Variants in MYT1L observed in about 807,000 individuals in gnomAD.
The protein encoded by MYT1L is myelin transcription factor 1 like, also known as myelin transcription factor 1-like protein.
Under a neutral mutation model 126.7 loss-of-function variants are expected in MYT1L, and 12 were observed. The ratio of observed to expected loss-of-function variants is 0.09; its 90% CI spans 0.06 to 0.15. MYT1L has a LOEUF of 0.15. Among genes scored for constraint, MYT1L ranks in the 10% least tolerant of loss-of-function variants. The pLI is 1.00. For synonymous variants in MYT1L, 541 were observed against 604.2 expected, an observed-to-expected ratio of 0.90 and a Z score of 1.53; for missense variants, 979 against 1,585.2, an observed-to-expected ratio of 0.62 and a Z score of 6.49.
intron 4 of MYT1L, among the ~76,000 whole-genome samples, chr2:2,015,949 G>C (rs1305620352): frequency 6.6e-6 from 1 of 152,204 alleles, no homozygotes; most frequent in African/African-American, 2.4e-5. Flanking sequence ...CTGCAATCAT[G>C]GTACAGCAGA....
chr2:2,137,046 C>T (rs1417903846), intron 3 of MYT1L, among the ~76,000 whole-genome samples: 1 of 151,926 alleles, frequency 6.6e-6, no homozygotes, highest in Non-Finnish European at 1.5e-5. Flanking sequence ...ACACCAATAA[C>T]AGACAAACAG....
chr2:1,859,242 T>G (rs889139074), intron 18 of MYT1L, among the ~76,000 whole-genome samples: 6 of 152,236 alleles, frequency 3.9e-5, no homozygotes, highest in African/African-American at 1.4e-4. Flanking sequence ...TTGTGGCATT[T>G]AGGTGGAATG....
rs776330906 is a variant in MYT1L, at chr2:1,910,332, C to G, written c.1725G>C (p.Pro575=). 6.2e-7 allele frequency: 1 copy of G among 1,611,818 alleles called. No individual in the cohort carries two copies. Among genetic ancestry groups the G allele is most frequent in the African/African-American group, 1.3e-5 (1 of 74,916 alleles). ...RNSHRSLSGC[P]IAAAEKLAKA... ...TGGCCAGTTTCTCTGCTGCAGCGAT[C>G]GGGCATCCGGAGAGGCTGCAATCAC... Residue 575 remains proline (P), a synonymous_variant, in exon 13 of 25, where the codon CCG becomes CCC. Coordinates refer to ENST00000647738, the MANE Select transcript of MYT1L (RefSeq NM_001303052.2). The surrounding 1 kb of genome is among the most constrained non-coding windows in gnomAD (Gnocchi z 4.8).
At chr2:2,300,596 T>TA (rs1276523569) in intron 1 of MYT1L, among the ~76,000 whole-genome samples, 1 of 152,194 alleles carries the variant, frequency 6.6e-6, no homozygotes, top group Non-Finnish European at 1.5e-5. Flanking sequence ...TTCCCAATGA[T>TA]AATAGTAACA....
chr2:2,318,040 A>G (rs1410741496), intron 1 of MYT1L, among the ~76,000 whole-genome samples: 2 of 152,178 alleles, frequency 1.3e-5, no homozygotes, highest in Non-Finnish European at 2.9e-5. Context: ...TTATTGATAG[A>G]GGCCGTTTTT....
chr2:2,106,137 G>A (rs961725255), intron 3 of MYT1L, among the ~76,000 whole-genome samples: 1 of 152,184 alleles, frequency 6.6e-6, no homozygotes, highest in Non-Finnish European at 1.5e-5. Context: ...ACCCGGGATC[G>A]GACGACCAGA....
At chr2:1,826,580 C>A (rs1406343321) in intron 21 of MYT1L, among the ~76,000 whole-genome samples, 1 of 152,172 alleles carries the variant, frequency 6.6e-6, no homozygotes, top group East Asian at 1.9e-4. Flanking sequence ...CTTTCCCTCC[C>A]AATTGCTTCC....
intron 3 of MYT1L, among the ~76,000 whole-genome samples, chr2:2,160,422 T>C (rs900204718): frequency 6.6e-6 from 1 of 152,238 alleles, no homozygotes; most frequent in Non-Finnish European, 1.5e-5. Context: ...AGAAGTCCTC[T>C]GAATAATAAA....
At chr2:1,854,004 A>G (rs1249127014) in intron 18 of MYT1L, among the ~76,000 whole-genome samples, 1 of 152,188 alleles carries the variant, frequency 6.6e-6, no homozygotes, top group African/African-American at 2.4e-5. Context: ...AAATACTTTT[A>G]TTGCTTGGTT....
At position 2,009,458 on chromosome 2, in the gene MYT1L, G is replaced by GAA. The variant is rs1224258904; in HGVS notation, c.-157-12112_-157-12111insTT. ...TTTGTTCCAAAATATCTTTTTTGAT[G>GAA]CTATCATAAATGGGATTGTTTTACT... On this transcript the variant is annotated intron_variant, in intron 4 of 24. Transcript: ENST00000647738. Among the ~76,000 whole-genome samples, 5 of 151,994 alleles carry GAA rather than the reference G, an allele frequency of 3.3e-5. No individual in the cohort carries two copies. In the East Asian group the frequency reaches 9.7e-4, roughly 29 times the overall value.
intron 4 of MYT1L, among the ~76,000 whole-genome samples, chr2:2,004,003 AT>A (rs1558694297): frequency 4.4e-5 from 6 of 136,072 alleles, no homozygotes; most frequent in African/African-American, 1.3e-4. Context: ...TCTTTCCTGC[AT>A]GCCTTCTTTC....
rs147872801 is a variant in MYT1L, at chr2:2,207,495, C to T, written c.-420-34507G>A. On this transcript the variant is annotated intron_variant, in intron 2 of 24. Coordinates refer to ENST00000647738, the MANE Select transcript of MYT1L (RefSeq NM_001303052.2). Reference sequence around the variant, plus strand: ...TACAATACACCGTCAAGAACAATGTCGTGACATCTGTTTTAAGTGCATCAT... The same window carrying T: ...TACAATACACCGTCAAGAACAATGTTGTGACATCTGTTTTAAGTGCATCAT... Among the ~76,000 whole-genome samples the T allele has an allele frequency of 2.4e-4, 36 of 152,230 alleles. No homozygotes were observed. The East Asian group carries it at 4.4e-3, about 19-fold the overall frequency.
intron 1 of MYT1L, among the ~76,000 whole-genome samples, chr2:2,316,334 G>A (rs1038713582): frequency 3.3e-5 from 5 of 152,174 alleles, no homozygotes; most frequent in Non-Finnish European, 7.3e-5. Flanking sequence ...GTTCTTGCTT[G>A]TCATTTTGGG....
chr2:2,249,965 A>G (rs1429580893), intron 2 of MYT1L, among the ~76,000 whole-genome samples: 1 of 152,204 alleles, frequency 6.6e-6, no homozygotes, highest in Non-Finnish European at 1.5e-5. Flanking sequence ...TCAAAGCTAC[A>G]ATGAGATATC....
At position 1,839,462 on chromosome 2, in the gene MYT1L, G is replaced by C. The variant is rs1174392457; in HGVS notation, c.2859-92C>G. On this transcript the variant is annotated intron_variant, in intron 20 of 24. Coordinates refer to ENST00000647738, the MANE Select transcript of MYT1L (RefSeq NM_001303052.2). ...AGTCAGAATAACCCGGCATGAAGAAGAAAAAAACAACCATGCCCTCCTGGC... is the reference window on the plus strand; with the variant it reads ...AGTCAGAATAACCCGGCATGAAGAACAAAAAAACAACCATGCCCTCCTGGC... 7 of 1,179,040 alleles carry C rather than the reference G, an allele frequency of 5.9e-6. No individual in the cohort carries two copies. In the Admixed American group the frequency reaches 1.4e-4, roughly 23 times the overall value. The allele number at this position is 1,179,040 out of a possible 1,614,324, so 73.0% of individuals were successfully genotyped here.
chr2:1,811,851 C>T lies in MYT1L; in HGVS notation c.3081-2684G>A, dbSNP rs1423002558. Among the ~76,000 whole-genome samples, 2 of 152,202 alleles carry T rather than the reference C, an allele frequency of 1.3e-5. No homozygotes were observed. The highest frequency in any genetic ancestry group is 6.5e-5 in the Admixed American group (1 of 15,280). ...CCGGGGCACCCTCCTGGGTCTTCTCCTGCCTCCCCATCAGATCCCAGCAGG... is the reference window on the plus strand; with the variant it reads ...CCGGGGCACCCTCCTGGGTCTTCTCTTGCCTCCCCATCAGATCCCAGCAGG... On this transcript the variant is annotated intron_variant, in intron 21 of 24. Transcript: ENST00000647738. The surrounding 1 kb of genome is among the most constrained non-coding windows in gnomAD (Gnocchi z 4.4).
At chr2:1,990,035 A>C (rs1336463647) in intron 5 of MYT1L, among the ~76,000 whole-genome samples, 2 of 152,238 alleles carry the variant, frequency 1.3e-5, no homozygotes, top group East Asian at 1.9e-4. Context: ...ACTTAGACTA[A>C]GGATAATTTT....
Position 1,893,633 on chromosome 2 carries a change from G to A in MYT1L, c.2033-1346C>T, listed in dbSNP as rs12621578. ...CCTCGCAGTTGGTCATGGCTCCTGC[G>A]GTGTCTTCTGTGCCATCGGCAGCAG... On this transcript the variant is annotated intron_variant, in intron 14 of 24. Transcript: ENST00000647738. Among the ~76,000 whole-genome samples, 67 of 152,304 alleles carry A rather than the reference G, an allele frequency of 4.4e-4. 1 individual carries two copies. The East Asian group carries it at 7.9e-3, about 18-fold the overall frequency.
chr2:1,940,390 G>A (rs2056510056), intron 9 of MYT1L, among the ~76,000 whole-genome samples: 1 of 149,704 alleles, frequency 6.7e-6, no homozygotes, highest in African/African-American at 2.5e-5. Context: ...CACCCTGCCA[G>A]GATGCTTAGT....
Sources: gnomAD v4.1 joint callset for allele counts (sites outside exome capture counted in the v4.1 genomes callset) on GRCh38, gnomAD v4.1.1 for gene constraint, Gnocchi (gnomAD v3.1) non-coding constraint, MANE v1.5 for transcripts, NCBI Gene and HGNC (gene_info 2026-07-23, HGNC 2026-07-21) for gene names.